AOPEP: variants seen among roughly 807,000 people sequenced by gnomAD.
AOPEP encodes aminopeptidase O (putative), also known as aminopeptidase O.
Under a neutral mutation model 98.1 loss-of-function variants are expected in AOPEP, and 77 were observed. That is an observed-to-expected ratio of 0.78 (90% CI 0.65 to 0.95). The LOEUF is 0.95. Among genes scored for constraint, AOPEP ranks in the 40% least tolerant of loss-of-function variants. The pLI, the probability that AOPEP is intolerant of heterozygous loss-of-function variation, is 0.00. For missense variants in AOPEP, 1,024 were observed against 1,024.7 expected, an observed-to-expected ratio of 1.00 and a Z score of 0.01; for synonymous variants, 346 against 365.3, an observed-to-expected ratio of 0.95 and a Z score of 0.60.
At chr9:95,050,387 A>G (rs1255871068) in intron 13 of AOPEP, among the ~76,000 whole-genome samples, 1 of 152,152 alleles carries the variant, frequency 6.6e-6, no homozygotes, top group Admixed American at 6.6e-5. Flanking sequence ...CCTTTGCTCT[A>G]TTCCTCATAA....
intron 9 of AOPEP, among the ~76,000 whole-genome samples, chr9:94,964,485 A>G (rs192191575): frequency 6.6e-6 from 1 of 152,308 alleles, no homozygotes; most frequent in East Asian, 1.9e-4. Flanking sequence ...TTCTCATGCA[A>G]TTAAATTCCC....
At chr9:95,107,410 AT>A in the AOPEP span, 1 of 874,030 alleles carries the variant, frequency 1.1e-6, no homozygotes, top group Non-Finnish European at 1.8e-6. Flanking sequence ...CAGCGGCCGA[AT>A]TTACACTCGA....
At position 94,996,350 on chromosome 9, in the gene AOPEP, C is replaced by CTGTGTGTG. The variant is rs10608161; in HGVS notation, c.1978-8773_1978-8766dup. 6.0e-3 allele frequency among the ~76,000 whole-genome samples: 848 copies of CTGTGTGTG among 141,836 alleles called. 3 individuals carry two copies. The highest frequency in any genetic ancestry group is 0.016 in the East Asian group (78 of 4,790). 93.0% of individuals were successfully genotyped at this position (141,836 alleles called of 152,430 possible). The stretch of plus-strand genomic sequence containing the variant: ...CACATGTGGTGGATTTTACTTGCCT[C>CTGTGTGTG]TGTGTGTGTGTGTGTGTGTGTGTGT... On this transcript the variant is annotated intron_variant, in intron 11 of 16. Transcript: ENST00000375315.
chr9:94,824,588 G>GTGTGTTATTGAGAGCATT (rs1232926267), intron 5 of AOPEP: 12 of 152,322 alleles, frequency 7.9e-5, no homozygotes, highest in African/African-American at 2.9e-4. Context: ...TATCATGGGA[G>GTGTGTTATTGAGAGCATT]TGTGTTATTG....
chr9:94,832,445 A>G (rs1443200430), intron 5 of AOPEP, among the ~76,000 whole-genome samples: 1 of 152,246 alleles, frequency 6.6e-6, no homozygotes, highest in Admixed American at 6.5e-5. Context: ...GGAAGCGTCA[A>G]TGCAGGGGGC....
chr9:95,021,839 A>G (rs2063482098), intron 13 of AOPEP: 1 of 152,242 alleles, frequency 6.6e-6, no homozygotes, highest in Non-Finnish European at 1.5e-5. Flanking sequence ...ATCAGGAGCC[A>G]TCCCAGGGAG....
intron 5 of AOPEP, among the ~76,000 whole-genome samples, chr9:94,839,187 G>A (rs1027345148): frequency 5.9e-5 from 9 of 151,462 alleles, no homozygotes; most frequent in South Asian, 4.2e-4. Context: ...CCGGGTTCAC[G>A]CCATTCTCCT....
Position 94,926,900 on chromosome 9 carries a change from G to A in AOPEP, c.1555-1525G>A, listed in dbSNP as rs182941138. Among the ~76,000 whole-genome samples the A allele has an allele frequency of 5.9e-5, 9 of 152,340 alleles. No homozygotes were observed. In the East Asian group the frequency reaches 1.3e-3, roughly 23 times the overall value. ...CAGGGATTTGTGAATCAAGTCAGTC[G>A]CAAGGTTGGATGGTGTAACTTGTCA... is the stretch of plus-strand genomic sequence containing the variant. On this transcript the variant is annotated intron_variant, in intron 6 of 16. Transcript: ENST00000375315.
Position 94,933,256 on chromosome 9 carries a change from A to G in AOPEP, c.1661+4725A>G, listed in dbSNP as rs553071969. Reference sequence around the variant, plus strand: ...AAGGCTCGCCATGCCTCCTGTCTCCAGGGTGCAGCTGGATTCCGGCAGCTT... The same window carrying G: ...AAGGCTCGCCATGCCTCCTGTCTCCGGGGTGCAGCTGGATTCCGGCAGCTT... On this transcript the variant is annotated intron_variant, in intron 7 of 16. Transcript: ENST00000375315. 7.1e-6 allele frequency: 7 copies of G among 985,586 alleles called. No homozygotes were observed. The African/African-American group carries it at 1.2e-4, about 17-fold the overall frequency. The allele number at this position is 985,586 out of a possible 1,614,324, so 61.1% of individuals were successfully genotyped here. A position where few individuals can be genotyped will look rare whatever the true frequency, so the allele number is the denominator to read the frequency against.
rs150703263 is a variant in AOPEP at position 94,928,962 on chromosome 9, C to T, written c.1661+431C>T. The stretch of plus-strand genomic sequence containing the variant: ...TGTCAATGGGCCCTTTTGTTTCCAT[C>T]GTAGCCCAGCAGGAAGCCTCTGCTG... On this transcript the variant is annotated intron_variant, in intron 7 of 16. Coordinates refer to ENST00000375315, the MANE Select transcript of AOPEP (RefSeq NM_001193329.3). 2.0e-3 allele frequency: 308 copies of T among 157,604 alleles called. 2 individuals carry two copies. Among genetic ancestry groups the T allele is most frequent in the Middle Eastern group, 6.5e-3 (2 of 308 alleles). 9.8% of individuals were successfully genotyped at this position (157,604 alleles called of 1,614,324 possible).
chr9:94,748,178 G>A (rs1381321225), intron 1 of AOPEP, among the ~76,000 whole-genome samples: 6 of 152,092 alleles, frequency 3.9e-5, no homozygotes, highest in Non-Finnish European at 8.8e-5. Context: ...TCATTTCACT[G>A]TTTTCTGTGG....
intron 5 of AOPEP, among the ~76,000 whole-genome samples, chr9:94,885,603 A>T (rs1354369385): frequency 3.3e-5 from 5 of 151,986 alleles, no homozygotes; most frequent in Non-Finnish European, 5.9e-5. Flanking sequence ...GGAAGCTGGG[A>T]CATGTAGCCT....
At chr9:95,037,203 T>C (rs772417996) in intron 13 of AOPEP, among the ~76,000 whole-genome samples, 1 of 152,194 alleles carries the variant, frequency 6.6e-6, no homozygotes, top group Non-Finnish European at 1.5e-5. Context: ...ATTTTTTTTT[T>C]ACCTCACCTT....
chr9:94,831,065 G>A (rs956555417), intron 5 of AOPEP, among the ~76,000 whole-genome samples: 7 of 151,936 alleles, frequency 4.6e-5, no homozygotes, highest in African/African-American at 9.7e-5. Flanking sequence ...ATTAGATCCC[G>A]TATATCAGTT....
intron 13 of AOPEP, among the ~76,000 whole-genome samples, chr9:95,012,087 A>G (rs2062574506): frequency 6.6e-6 from 1 of 152,230 alleles, no homozygotes; most frequent in Non-Finnish European, 1.5e-5. Context: ...ACAACCAGCA[A>G]TATGACATTA....
intron 11 of AOPEP, among the ~76,000 whole-genome samples, chr9:95,000,568 C>T (rs1331729811): frequency 6.6e-5 from 10 of 152,028 alleles, no homozygotes; most frequent in Middle Eastern, 6.8e-3. Context: ...ATTAGCTGGA[C>T]GTGGTGGCAG....
intron 13 of AOPEP, among the ~76,000 whole-genome samples, chr9:95,051,050 A>G (rs1392926392): frequency 1.3e-5 from 2 of 149,152 alleles, no homozygotes; most frequent in African/African-American, 2.5e-5. Flanking sequence ...TCACTTAGCA[A>G]CTATTATGTT....
At chr9:94,955,378 A>C in intron 8 of AOPEP, 99 bp downstream of exon 8, 3 of 733,246 alleles carry the variant, frequency 4.1e-6, no homozygotes, top group Non-Finnish European at 6.9e-6. Context: ...TGAGGTGAAA[A>C]TACTGTAATG....
chr9:94,894,729 C>G (rs1199701119), intron 5 of AOPEP, among the ~76,000 whole-genome samples: 1 of 152,094 alleles, frequency 6.6e-6, no homozygotes, highest in African/African-American at 2.4e-5. Context: ...CATAACCTGA[C>G]AAGTTAGACA....
Sources: allele counts gnomAD v4.1 joint callset (sites outside exome capture counted in the v4.1 genomes callset), GRCh38; gene constraint gnomAD v4.1.1; transcripts MANE v1.5; gene names NCBI Gene and HGNC (gene_info 2026-07-23, HGNC 2026-07-21).